DGKB: variants seen among roughly 807,000 people sequenced by gnomAD.
DGKB encodes 90 kDa diacylglycerol kinase.
A neutral mutation model predicts 114.3 loss-of-function variants in DGKB; 67 were observed. The ratio of observed to expected loss-of-function variants is 0.59; its 90% CI spans 0.48 to 0.72. DGKB has a LOEUF of 0.72. DGKB is among the 30% of genes least tolerant of loss of function. DGKB has a pLI of 0.00. For synonymous variants in DGKB, 398 were observed against 323.1 expected (o/e 1.23, Z -2.49); for missense variants, 907 against 975.2 (o/e 0.93, Z 0.93).
At chr7:14,767,752 A>C (rs944035723) in intron 2 of DGKB, among the ~76,000 whole-genome samples, 2 of 151,952 alleles carry the variant, frequency 1.3e-5, no homozygotes, top group African/African-American at 4.8e-5. Flanking sequence ...TGTGTAAATC[A>C]AAATGTTTAA....
intron 15 of DGKB, among the ~76,000 whole-genome samples, chr7:14,620,850 T>C (rs1807500288): frequency 6.6e-6 from 1 of 151,780 alleles, no homozygotes; most frequent in Non-Finnish European, 1.5e-5. Flanking sequence ...CCTAGATATA[T>C]ATTTGAGGTT....
intron 20 of DGKB, among the ~76,000 whole-genome samples, chr7:14,501,915 C>A (rs1426506068): frequency 6.6e-6 from 1 of 151,898 alleles, no homozygotes; most frequent in African/African-American, 2.4e-5. Context: ...GGACTTCGAA[C>A]AAATACCATA....
chr7:14,146,856 A>T lies in DGKB; in HGVS notation c.*2275T>A, dbSNP rs1025315535. On this transcript the variant is annotated 3_prime_UTR_variant, in exon 26 of 26. Transcript: ENST00000402815. ...TGCATCCCATTATTTCAATCATTGA[A>T]ATCTTATAAGCAGGTTGTTTAATTT... 2 of 152,104 alleles carry T rather than the reference A, an allele frequency of 1.3e-5. No individual in the cohort carries two copies. Among genetic ancestry groups the T allele is most frequent in the Non-Finnish European group, 2.9e-5 (2 of 67,978 alleles). 9.4% of individuals were successfully genotyped at this position (152,104 alleles called of 1,614,324 possible). A position where few individuals can be genotyped will look rare whatever the true frequency, so the allele number is the denominator to read the frequency against.
At chr7:14,597,807 G>A (rs893889644) in intron 17 of DGKB, among the ~76,000 whole-genome samples, 2 of 152,028 alleles carry the variant, frequency 1.3e-5, no homozygotes, top group African/African-American at 4.8e-5. Flanking sequence ...ATCAGTAGGA[G>A]AATAACTGAA....
intron 21 of DGKB, among the ~76,000 whole-genome samples, chr7:14,365,778 T>TA (rs199979895): frequency 6.6e-6 from 1 of 152,004 alleles, no homozygotes; most frequent in Non-Finnish European, 1.5e-5. Context: ...TTGTTTTCTG[T>TA]AAAAAAATAT....
At chr7:14,623,198 T>C (rs1225185404) in intron 14 of DGKB, among the ~76,000 whole-genome samples, 4 of 152,186 alleles carry the variant, frequency 2.6e-5, no homozygotes, top group Non-Finnish European at 5.9e-5. Context: ...TTAGGCTTGA[T>C]GTGAAAAATT....
chr7:14,224,587 G>A (rs927734140), intron 23 of DGKB, among the ~76,000 whole-genome samples: 1 of 151,824 alleles, frequency 6.6e-6, no homozygotes, highest in Non-Finnish European at 1.5e-5. Context: ...TTAGAAACTT[G>A]ACACTTTAGG....
At position 14,944,130 on chromosome 7, in the gene DGKB, T is replaced by C. The variant is rs1271151026; in HGVS notation, c.-188+30566A>G. ...GTGTTGTTTTGCTTATCCCAATACCTTACATACAGAATTACACTTAGCTGT... is the reference window on the plus strand; with the variant it reads ...GTGTTGTTTTGCTTATCCCAATACCCTACATACAGAATTACACTTAGCTGT... On this transcript the variant is annotated intron_variant, in intron 1 of 4. Transcript: ENST00000437998. Among the ~76,000 whole-genome samples the C allele has an allele frequency of 4.6e-5, 7 of 152,032 alleles. No homozygotes were observed. The East Asian group carries it at 1.4e-3, about 29-fold the overall frequency.
intron 21 of DGKB, among the ~76,000 whole-genome samples, chr7:14,435,325 T>C (rs1829075812): frequency 6.6e-6 from 1 of 152,046 alleles, no homozygotes; most frequent in African/African-American, 2.4e-5. Flanking sequence ...TTGAACAAAA[T>C]ACAGAGTTCA....
At chr7:14,769,170 AG>A (rs1324321645) in intron 2 of DGKB, among the ~76,000 whole-genome samples, 52 of 139,810 alleles carry the variant, frequency 3.7e-4, no homozygotes, top group African/African-American at 1.3e-3. Context: ...AGGGAAGGGA[AG>A]GAAAGAGAAA....
At chr7:14,967,573 G>A (rs966973214) in intron 1 of DGKB, among the ~76,000 whole-genome samples, 2 of 149,364 alleles carry the variant, frequency 1.3e-5, no homozygotes, top group Admixed American at 6.7e-5. Flanking sequence ...CATTCACCTC[G>A]GCCTCCCACA....
At chr7:14,262,327 G>T (rs766055105) in intron 23 of DGKB, among the ~76,000 whole-genome samples, 1 of 152,168 alleles carries the variant, frequency 6.6e-6, no homozygotes, top group Non-Finnish European at 1.5e-5. Context: ...CCTTTAGGAG[G>T]TAATTAGGTC....
At chr7:14,324,016 C>T (rs57007776) in intron 23 of DGKB, among the ~76,000 whole-genome samples, 1 of 152,104 alleles carries the variant, frequency 6.6e-6, no homozygotes, top group Non-Finnish European at 1.5e-5. Flanking sequence ...TACACAATTC[C>T]TAATGAAGGA....
rs200337008 is a variant in DGKB, at chr7:14,212,760, CT to C, written c.2123-34610del. Reference sequence around the variant, plus strand: ...CATCGTTCTCTTTGCCACCAAAATACTTTTTTTTCTAAAGTACCTAGTCCTT... The same window carrying C: ...CATCGTTCTCTTTGCCACCAAAATACTTTTTTTCTAAAGTACCTAGTCCTT... On this transcript the variant is annotated intron_variant, in intron 23 of 25. Coordinates refer to ENST00000402815, the MANE Select transcript of DGKB (RefSeq NM_001350709.2). 4.2e-3 allele frequency among the ~76,000 whole-genome samples: 633 copies of C among 152,004 alleles called. 6 individuals are homozygous for C. Among genetic ancestry groups the C allele is most frequent in the South Asian group, 0.022 (108 of 4,810 alleles).
rs114572514 is a variant in DGKB, at chr7:14,935,798, C to T, written c.-188+38898G>A. Among the ~76,000 whole-genome samples the T allele has an allele frequency of 6.4e-3, 974 of 152,004 alleles. 11 individuals are homozygous for T. The highest frequency in any genetic ancestry group is 0.022 in the African/African-American group (924 of 41,450). On this transcript the variant is annotated intron_variant, in intron 1 of 4. Transcript: ENST00000437998. ...TTTCTCCCCATTTCCTCCCAAAAAC[C>T]TCATGGAACTAATATTTTGTATAAA...
intron 1 of DGKB, among the ~76,000 whole-genome samples, chr7:14,847,893 A>C (rs369215059): frequency 6.6e-6 from 1 of 152,220 alleles, no homozygotes; most frequent in Non-Finnish European, 1.5e-5. Context: ...ATAAAATCTC[A>C]AAAGAAGTCA....
intron 16 of DGKB, among the ~76,000 whole-genome samples, chr7:14,611,249 A>G (rs1805487679): frequency 6.6e-6 from 1 of 152,156 alleles, no homozygotes; most frequent in Non-Finnish European, 1.5e-5. Context: ...TGGTATTGCA[A>G]CAGATCTATT....
intron 23 of DGKB, among the ~76,000 whole-genome samples, chr7:14,304,630 C>T (rs1360571174): frequency 4.6e-5 from 7 of 152,064 alleles, no homozygotes; most frequent in Non-Finnish European, 8.8e-5. Context: ...GTAAGCATTG[C>T]CGATTTAGTG....
chr7:14,601,518 A>G (rs770568662), intron 17 of DGKB, among the ~76,000 whole-genome samples: 2 of 152,240 alleles, frequency 1.3e-5, no homozygotes, highest in African/African-American at 4.8e-5. Flanking sequence ...CCAATTGGCC[A>G]GTCTGAGAAT....
Sources: gnomAD v4.1 joint callset for allele counts (sites outside exome capture counted in the v4.1 genomes callset) on GRCh38, gnomAD v4.1.1 for gene constraint, MANE v1.5 for transcripts, NCBI Gene and HGNC (gene_info 2026-07-23, HGNC 2026-07-21) for gene names.